Variants in SMARCC1 observed in about 807,000 individuals in gnomAD.
The protein encoded by SMARCC1 is SWI/SNF related BAF chromatin remodeling complex subunit C1.
A neutral mutation model predicts 147.4 loss-of-function variants in SMARCC1; 43 were observed. The ratio of observed to expected loss-of-function variants is 0.29; its 90% confidence interval spans 0.23 to 0.38. The LOEUF is 0.38. Among genes scored for constraint, SMARCC1 ranks in the 10% least tolerant of loss-of-function variants. The pLI, the probability that SMARCC1 is intolerant of heterozygous loss-of-function variation, is 1.00. For synonymous variants in SMARCC1, 495 were observed against 484.4 expected (o/e 1.02, Z -0.29); for missense variants, 1,119 against 1,381.1 (o/e 0.81, Z 3.01).
At chr3:47,725,458 A>G (rs1335544104) in intron 6 of SMARCC1, among the ~76,000 whole-genome samples, 1 of 151,878 alleles carries the variant, frequency 6.6e-6, no homozygotes, top group Non-Finnish European at 1.5e-5. Context: ...TTATATATAT[A>G]TATTTTTTTG....
intron 3 of SMARCC1, among the ~76,000 whole-genome samples, chr3:47,740,629 G>A (rs539500826): frequency 2.6e-5 from 4 of 152,168 alleles, no homozygotes; most frequent in African/African-American, 4.8e-5. Context: ...ATGAGCCAGT[G>A]CGCCGGCCTT....
intron 18 of SMARCC1, among the ~76,000 whole-genome samples, chr3:47,674,682 C>G (rs758311637): frequency 2.0e-5 from 3 of 152,134 alleles, no homozygotes; most frequent in African/African-American, 4.8e-5. Flanking sequence ...CAAGGCTGCT[C>G]TTGAACTCCT....
At chr3:47,780,007 A>C (rs1267364389) in intron 1 of SMARCC1, among the ~76,000 whole-genome samples, 2 of 152,188 alleles carry the variant, frequency 1.3e-5, no homozygotes, top group African/African-American at 4.8e-5. Flanking sequence ...AAAAATCTAC[A>C]GTCTAAATGT....
intron 25 of SMARCC1, among the ~76,000 whole-genome samples, chr3:47,620,274 G>A (rs1283314776): frequency 6.6e-6 from 1 of 151,976 alleles, no homozygotes; most frequent in Non-Finnish European, 1.5e-5. Context: ...ACCAGCCCAG[G>A]CAACACAGTG....
chr3:47,609,859 A>G (rs900590065), intron 26 of SMARCC1, among the ~76,000 whole-genome samples: 8 of 152,224 alleles, frequency 5.3e-5, no homozygotes, highest in Non-Finnish European at 1.2e-4. Context: ...CCTACTCAAC[A>G]AAAAGGCATC....
intron 6 of SMARCC1, among the ~76,000 whole-genome samples, chr3:47,726,098 T>A (rs920824426): frequency 4.5e-5 from 6 of 133,506 alleles, no homozygotes; most frequent in African/African-American, 1.6e-4. Flanking sequence ...TTTCATGGTA[T>A]GTGGATTATA....
At position 47,706,151 on chromosome 3, in the gene SMARCC1, C is replaced by CA. The variant is rs781543710; in HGVS notation, c.1040+257dup. Among the ~76,000 whole-genome samples, 591 of 134,172 alleles carry CA rather than the reference C, an allele frequency of 4.4e-3. 1 individual carries two copies. Among genetic ancestry groups the CA allele is most frequent in the African/African-American group, 5.6e-3 (205 of 36,462 alleles). The allele number at this position is 134,172 out of a possible 152,430, so 88.0% of individuals were successfully genotyped here. A position where few individuals can be genotyped will look rare whatever the true frequency, so the allele number is the denominator to read the frequency against. On this transcript the variant is annotated intron_variant, in intron 10 of 27. Coordinates refer to ENST00000254480, the MANE Select transcript of SMARCC1 (RefSeq NM_003074.4). ...ATGCTTCTCAATACATACTTAGATA[C>CA]AAAAAAAAAAAAAAATTCCAAGTGA...
chr3:47,685,691 T>C (rs1474084801), intron 14 of SMARCC1, among the ~76,000 whole-genome samples: 1 of 152,024 alleles, frequency 6.6e-6, no homozygotes, highest in Admixed American at 6.6e-5. Context: ...AACCCATCTC[T>C]ACTAAAAATA....
intron 7 of SMARCC1, among the ~76,000 whole-genome samples, chr3:47,716,776 G>GATTGTATATA (rs2034161131): frequency 6.6e-6 from 1 of 152,180 alleles, no homozygotes; most frequent in African/African-American, 2.4e-5. Context: ...CTGACTTGAA[G>GATTGTATATA]CCTTTAGACT....
chr3:47,772,209 A>G (rs1053271951), intron 2 of SMARCC1, among the ~76,000 whole-genome samples: 3 of 152,246 alleles, frequency 2.0e-5, no homozygotes, highest in African/African-American at 7.2e-5. Context: ...TGGGCAACAC[A>G]GCAAGATCCC....
intron 19 of SMARCC1, among the ~76,000 whole-genome samples, chr3:47,669,032 G>C (rs1209420277): frequency 2.6e-5 from 4 of 152,156 alleles, no homozygotes; most frequent in African/African-American, 9.7e-5. Context: ...AAGCTATTAA[G>C]TATCTCTAAA....
chr3:47,656,559 G>A (rs777456179), intron 21 of SMARCC1, among the ~76,000 whole-genome samples: 3 of 152,132 alleles, frequency 2.0e-5, no homozygotes, highest in Non-Finnish European at 4.4e-5. Flanking sequence ...TACAAGAGAG[G>A]CACTTTTCAT....
chr3:47,646,834 T>C (rs1294998424), intron 21 of SMARCC1, among the ~76,000 whole-genome samples: 2 of 152,186 alleles, frequency 1.3e-5, no homozygotes, highest in Admixed American at 6.5e-5. Context: ...TTGCATGCAC[T>C]TGACCAGAGT....
chr3:47,698,490 A>G (rs2033881279), intron 11 of SMARCC1, among the ~76,000 whole-genome samples: 1 of 152,166 alleles, frequency 6.6e-6, no homozygotes, highest in Admixed American at 6.6e-5. Flanking sequence ...ATCTACAAAA[A>G]AGTGCCAGAA....
intron 11 of SMARCC1, among the ~76,000 whole-genome samples, chr3:47,697,965 G>C (rs113286672): frequency 9.0e-6 from 1 of 111,434 alleles, no homozygotes; most frequent in African/African-American, 3.4e-5. Context: ...TCGAGATCGC[G>C]CCACTGCACT....
intron 19 of SMARCC1, among the ~76,000 whole-genome samples, chr3:47,668,015 TTAAA>T (rs1362331516): frequency 6.6e-6 from 1 of 152,048 alleles, no homozygotes; most frequent in Non-Finnish European, 1.5e-5. Context: ...TGCCTCTATA[TTAAA>T]TAAATAAATA....
chr3:47,591,710 T>A (rs768924893), intron 26 of SMARCC1, among the ~76,000 whole-genome samples: 11 of 151,892 alleles, frequency 7.2e-5, no homozygotes, highest in African/African-American at 9.7e-5. Context: ...GCCCAGCTAT[T>A]TTTTTTGTAT....
chr3:47,749,768 T>G (rs368228817), intron 2 of SMARCC1, among the ~76,000 whole-genome samples: 3,450 of 37,658 alleles, frequency 0.092, no homozygotes, highest in Middle Eastern at 0.2. Context: ...GAGAGAGAGG[T>G]GGCGGGGAGA....
chr3:47,780,516 C>T (rs1210696049), intron 1 of SMARCC1, among the ~76,000 whole-genome samples: 1 of 152,174 alleles, frequency 6.6e-6, no homozygotes, highest in Non-Finnish European at 1.5e-5. Context: ...TGCCTAATAA[C>T]TGCCAAACAC....
Sources: allele counts gnomAD v4.1 joint callset (sites outside exome capture counted in the v4.1 genomes callset), GRCh38; gene constraint gnomAD v4.1.1; transcripts MANE v1.5; gene names NCBI Gene and HGNC (gene_info 2026-07-23, HGNC 2026-07-21).